Variants in SLC25A37 observed in about 807,000 individuals in gnomAD.
The protein encoded by SLC25A37 is solute carrier family 25 member 37, also known as mitoferrin-1.
A neutral mutation model predicts 31.0 loss-of-function variants in SLC25A37; 17 were observed. The observed-to-expected ratio is 0.55, with a 90% CI of 0.38 to 0.82. The LOEUF (loss-of-function observed/expected upper bound fraction) is 0.82. Among genes scored for constraint, SLC25A37 ranks in the 40% least tolerant of loss-of-function variants. The pLI is 0.00. For synonymous variants in SLC25A37, 222 were observed against 193.0 expected, an observed-to-expected ratio of 1.15 and a Z score of -1.24; for missense variants, 404 against 465.8, an observed-to-expected ratio of 0.87 and a Z score of 1.22.
intron 1 of SLC25A37, among the ~76,000 whole-genome samples, chr8:23,555,248 A>G (rs1802333429): frequency 6.6e-6 from 1 of 152,148 alleles, no homozygotes; most frequent in Admixed American, 6.5e-5. Context: ...TCCCAGTCAA[A>G]GTAACATATG....
At chr8:23,565,491 A>T (rs943528097) in intron 1 of SLC25A37, among the ~76,000 whole-genome samples, 2 of 42,918 alleles carry the variant, frequency 4.7e-5, no homozygotes, top group South Asian at 2.0e-3. Context: ...CTTTTACTTA[A>T]AAAAAAAAAA....
rs760869962 is a variant in SLC25A37 at position 23,573,829 on chromosome 8, C to T, written c.*1974C>T. The stretch of plus-strand genomic sequence containing the variant: ...AACGCCTTCTCCCTGCTCTGCCCCC[C>T]ACTCCCCAAAACCAGTTGCAGCCTC... On this transcript the variant is annotated 3_prime_UTR_variant, in exon 4 of 4. Coordinates refer to ENST00000519973, the MANE Select transcript of SLC25A37 (RefSeq NM_016612.4). 2 of 456,762 alleles carry T rather than the reference C, an allele frequency of 4.4e-6. No individual in the cohort carries two copies. Among genetic ancestry groups the T allele is most frequent in the East Asian group, 7.0e-5 (1 of 14,382 alleles). 28.3% of individuals were successfully genotyped at this position (456,762 alleles called of 1,614,324 possible).
chr8:23,567,743 A>G (rs1396491525), intron 2 of SLC25A37: 1 of 152,164 alleles, frequency 6.6e-6, no homozygotes, highest in East Asian at 2.0e-4. Context: ...CGACTCTCAG[A>G]TGGGGTCAGT....
intron 1 of SLC25A37, among the ~76,000 whole-genome samples, chr8:23,531,071 C>T (rs894620350): frequency 1.3e-5 from 2 of 152,186 alleles, no homozygotes; most frequent in African/African-American, 4.8e-5. Flanking sequence ...TTTTCCTAGA[C>T]AAGTCTGTAA....
chr8:23,540,396 T>C (rs1801864969), intron 1 of SLC25A37, among the ~76,000 whole-genome samples: 1 of 152,078 alleles, frequency 6.6e-6, no homozygotes, highest in Non-Finnish European at 1.5e-5. Flanking sequence ...AGCTGCATTG[T>C]TGGGATGGAG....
chr8:23,539,283 A>G (rs1277229010), intron 1 of SLC25A37, among the ~76,000 whole-genome samples: 1 of 146,050 alleles, frequency 6.8e-6, no homozygotes, highest in East Asian at 1.9e-4. Context: ...CACTGAGGGA[A>G]CTTCTTCCGG....
At chr8:23,546,116 C>T (rs1188072599) in intron 1 of SLC25A37, among the ~76,000 whole-genome samples, 1 of 148,524 alleles carries the variant, frequency 6.7e-6, no homozygotes, top group Admixed American at 6.8e-5. Context: ...GGCCGGGCAA[C>T]AAGAGCAAGA....
chr8:23,538,527 GTGTGTGTGTGTGTGTGTGTT>G (rs947017318), intron 1 of SLC25A37, among the ~76,000 whole-genome samples: 7 of 150,090 alleles, frequency 4.7e-5, no homozygotes, highest in African/African-American at 1.5e-4. Flanking sequence ...TTTGTCGTGT[GTGTGTGTGTGTGTGTGTGTT>G]TGTGTGTGTG....
intron 1 of SLC25A37, among the ~76,000 whole-genome samples, chr8:23,538,930 C>T (rs905547838): frequency 6.6e-6 from 1 of 152,094 alleles, no homozygotes; most frequent in Non-Finnish European, 1.5e-5. Flanking sequence ...GGAATTTGTT[C>T]TTTCTCCTGC....
intron 3 of SLC25A37, chr8:23,568,793 A>C: frequency 4.2e-6 from 1 of 238,502 alleles, no homozygotes; most frequent in Non-Finnish European, 8.5e-6. Context: ...AAAATACAAA[A>C]ATTAGCCTAG....
intron 2 of SLC25A37, 156 bp downstream of exon 2, chr8:23,566,492 ACG>A: frequency 7.2e-7 from 1 of 1,388,578 alleles, no homozygotes; most frequent in Non-Finnish European, 9.3e-7. Context: ...ACCCAGACAC[ACG>A]CACGCACACA....
At chr8:23,561,251 T>A (rs113497650) in intron 1 of SLC25A37, among the ~76,000 whole-genome samples, 136 of 152,070 alleles carry the variant, frequency 8.9e-4, no homozygotes, top group African/African-American at 3.3e-3. Flanking sequence ...TTTTTTTTCA[T>A]AACAGAATGA....
intron 1 of SLC25A37, among the ~76,000 whole-genome samples, chr8:23,553,538 C>G (rs1008718977): frequency 1.3e-5 from 2 of 152,192 alleles, no homozygotes; most frequent in African/African-American, 4.8e-5. Flanking sequence ...CTGGCAGAGT[C>G]AAGGGGAGGC....
chr8:23,566,500 A>ACACACACGCGCGCG, intron 2 of SLC25A37, 164 bp downstream of exon 2: 1 of 1,414,158 alleles, frequency 7.1e-7, no homozygotes, highest in Non-Finnish European at 9.2e-7. Context: ...ACACGCACGC[A>ACACACACGCGCGCG]CACACACGCG....
At chr8:23,557,377 G>GC (rs1802396307) in intron 1 of SLC25A37, among the ~76,000 whole-genome samples, 1 of 152,178 alleles carries the variant, frequency 6.6e-6, no homozygotes, top group African/African-American at 2.4e-5. Flanking sequence ...TGTAGTGTGT[G>GC]CCTTCTAAGG....
intron 1 of SLC25A37, among the ~76,000 whole-genome samples, chr8:23,554,592 G>T (rs1302324755): frequency 6.6e-6 from 1 of 152,216 alleles, no homozygotes; most frequent in Non-Finnish European, 1.5e-5. Context: ...CTGGGCATGG[G>T]CCAGGCACAG....
At chr8:23,550,557 C>T (rs1478648954) in intron 1 of SLC25A37, among the ~76,000 whole-genome samples, 1 of 152,280 alleles carries the variant, frequency 6.6e-6, no homozygotes, top group African/African-American at 2.4e-5. Context: ...GGGAGGACCA[C>T]ACCTGGCTTG....
intron 1 of SLC25A37, among the ~76,000 whole-genome samples, chr8:23,554,098 T>C (rs903815793): frequency 6.6e-6 from 1 of 152,218 alleles, no homozygotes; most frequent in Non-Finnish European, 1.5e-5. Context: ...GCCGACCGCC[T>C]GGCTTCTTTC....
chr8:23,529,535 A>G lies in SLC25A37; in HGVS notation c.210+323A>G, dbSNP rs1801621642. ...TCGGCGGCGACTGGGCTCCCGGGGG[A>G]CGCGATCGCTGAAGCTCTGCACAGT... On this transcript the variant is annotated intron_variant, in intron 1 of 3. Transcript: ENST00000519973. This position sits in a 1 kb window ranked among gnomAD's most constrained non-coding sequence, Gnocchi z 4.1. Among the ~76,000 whole-genome samples the G allele has an allele frequency of 6.6e-6, 1 of 151,882 alleles. No homozygotes were observed. The highest frequency in any genetic ancestry group is 2.0e-4 in the East Asian group (1 of 5,122).
Sources: gnomAD v4.1 joint callset for allele counts (sites outside exome capture counted in the v4.1 genomes callset) on GRCh38, gnomAD v4.1.1 for gene constraint, Gnocchi (gnomAD v3.1) non-coding constraint, MANE v1.5 for transcripts, NCBI Gene and HGNC (gene_info 2026-07-23, HGNC 2026-07-21) for gene names.